PDE11A: variants seen among roughly 807,000 people sequenced by gnomAD.
The protein encoded by PDE11A is dual 3',5'-cyclic-AMP and -GMP phosphodiesterase 11A.
PDE11A carries 100 observed loss-of-function variants against 100.5 expected under a neutral mutation model. The observed-to-expected ratio is 1.00, with a 90% CI of 0.85 to 1.18. The LOEUF (loss-of-function observed/expected upper bound fraction) is 1.18, where lower values mean the gene tolerates loss of function less well. Among genes scored for constraint, PDE11A ranks in the 50% most tolerant of loss-of-function variants. The pLI is 0.00. For synonymous variants in PDE11A, 381 were observed against 420.8 expected, an observed-to-expected ratio of 0.91 and a Z score of 1.16; for missense variants, 1,141 against 1,152.6, an observed-to-expected ratio of 0.99 and a Z score of 0.15.
At chr2:177,998,543 T>C in intron 2 of PDE11A, 2 of 1,324,340 alleles carry the variant, frequency 1.5e-6, no homozygotes, top group East Asian at 2.3e-5. Context: ...GTCAAATAGA[T>C]ACATCTTCAT....
intron 9 of PDE11A, among the ~76,000 whole-genome samples, chr2:177,779,249 G>C (rs150204915): frequency 0.012 from 1,809 of 152,300 alleles, 36 homozygotes; most frequent in African/African-American, 0.041. Flanking sequence ...TGAGCCTTCA[G>C]CAAGTCGTAA....
intron 2 of PDE11A, among the ~76,000 whole-genome samples, chr2:177,942,654 G>A (rs377647402): frequency 1.1e-4 from 17 of 151,852 alleles, no homozygotes; most frequent in Non-Finnish European, 1.9e-4. Flanking sequence ...CACCCGCCTC[G>A]GCCTCTCAAA....
chr2:177,825,720 T>C (rs1394090349), intron 6 of PDE11A, among the ~76,000 whole-genome samples: 5 of 152,156 alleles, frequency 3.3e-5, no homozygotes, highest in African/African-American at 1.2e-4. Flanking sequence ...CAACTCTCCA[T>C]ATCAAATCAG....
At chr2:178,001,869 A>G (rs1206454190) in intron 2 of PDE11A, among the ~76,000 whole-genome samples, 1 of 152,142 alleles carries the variant, frequency 6.6e-6, no homozygotes, top group East Asian at 1.9e-4. Context: ...AAACATCTTT[A>G]TGTGTGGCAG....
intron 4 of PDE11A, among the ~76,000 whole-genome samples, chr2:177,885,956 A>G (rs1179720066): frequency 1.3e-5 from 2 of 152,236 alleles, no homozygotes; most frequent in African/African-American, 2.4e-5. Flanking sequence ...GTTCTTAACA[A>G]CGAAATAGCT....
chr2:177,982,691 C>T (rs974874797), intron 2 of PDE11A, among the ~76,000 whole-genome samples: 2 of 150,678 alleles, frequency 1.3e-5, no homozygotes, highest in Non-Finnish European at 3.0e-5. Context: ...TTTAAGGCAC[C>T]TAATTTCTTG....
At chr2:177,946,103 G>A (rs1279075507) in intron 2 of PDE11A, among the ~76,000 whole-genome samples, 1 of 115,554 alleles carries the variant, frequency 8.7e-6, no homozygotes, top group South Asian at 3.0e-4. Context: ...ATGGAGGTGG[G>A]GGGGGGTCAG....
At chr2:177,754,719 C>T (rs1022396079) in intron 10 of PDE11A, among the ~76,000 whole-genome samples, 2 of 152,224 alleles carry the variant, frequency 1.3e-5, no homozygotes, top group African/African-American at 4.8e-5. Context: ...AGGATAAGCA[C>T]AGTCCTGTCT....
At chr2:177,905,017 G>A in intron 3 of PDE11A, 81 bp downstream of exon 3, 1 of 799,096 alleles carries the variant, frequency 1.3e-6, no homozygotes, top group South Asian at 1.4e-5. Flanking sequence ...TCATTCATTG[G>A]CTGTTTTTAA....
chr2:177,932,582 A>T (rs1279380795), intron 2 of PDE11A, among the ~76,000 whole-genome samples: 4 of 152,184 alleles, frequency 2.6e-5, no homozygotes, highest in African/African-American at 9.6e-5. Context: ...ATCTCAATAG[A>T]TGAGGAAAAA....
At chr2:178,050,323 G>C (rs1483493106) in intron 1 of PDE11A, among the ~76,000 whole-genome samples, 1 of 152,134 alleles carries the variant, frequency 6.6e-6, no homozygotes, top group Non-Finnish European at 1.5e-5. Context: ...AAACAGAAAG[G>C]ACATCCACAC....
chr2:177,791,000 C>G lies in PDE11A; in HGVS notation c.1738-21627G>C, dbSNP rs1467130789. 3.3e-5 allele frequency among the ~76,000 whole-genome samples: 5 copies of G among 152,138 alleles called. No homozygotes were observed. In the East Asian group the frequency reaches 9.6e-4, roughly 29 times the overall value. Reference sequence around the variant, plus strand: ...GTGGAGATTCCTCAGGGATCTAGAACTAGAAATAACATTTGACCCAGCCAT... The same window carrying G: ...GTGGAGATTCCTCAGGGATCTAGAAGTAGAAATAACATTTGACCCAGCCAT... On this transcript the variant is annotated intron_variant, in intron 9 of 19. Transcript: ENST00000286063.
intron 2 of PDE11A, among the ~76,000 whole-genome samples, chr2:177,965,739 A>G (rs2085690429): frequency 6.6e-6 from 1 of 152,176 alleles, no homozygotes. Context: ...TTGTATCAGT[A>G]CCATGCTGTT....
intron 2 of PDE11A, among the ~76,000 whole-genome samples, chr2:178,007,813 T>G (rs949001130): frequency 6.6e-6 from 1 of 152,144 alleles, no homozygotes; most frequent in Non-Finnish European, 1.5e-5. Context: ...CAAGCAATTC[T>G]CCTGCCTCAG....
chr2:177,969,599 A>G (rs775632963), intron 2 of PDE11A, among the ~76,000 whole-genome samples: 4 of 152,054 alleles, frequency 2.6e-5, no homozygotes, highest in Non-Finnish European at 5.9e-5. Flanking sequence ...CATGATTCCT[A>G]TATGTGCAAA....
chr2:178,016,644 G>T (rs2086341942), intron 1 of PDE11A, among the ~76,000 whole-genome samples: 1 of 152,038 alleles, frequency 6.6e-6, no homozygotes, highest in Admixed American at 6.5e-5. Flanking sequence ...TTTTTATAGG[G>T]ATCAAGGAAG....
At chr2:177,972,544 G>T (rs1200011423) in intron 2 of PDE11A, among the ~76,000 whole-genome samples, 5 of 152,214 alleles carry the variant, frequency 3.3e-5, no homozygotes, top group Non-Finnish European at 5.9e-5. Context: ...GAGAGAGAGA[G>T]ATGTGGAAAG....
chr2:177,753,611 A>G (rs1396535533), intron 10 of PDE11A, among the ~76,000 whole-genome samples: 1 of 151,708 alleles, frequency 6.6e-6, no homozygotes, highest in African/African-American at 2.4e-5. Flanking sequence ...TCAGTTAGTG[A>G]TAGAGTAACT....
intron 10 of PDE11A, among the ~76,000 whole-genome samples, chr2:177,738,911 A>G (rs1178426259): frequency 6.6e-6 from 1 of 152,238 alleles, no homozygotes; most frequent in African/African-American, 2.4e-5. Context: ...AACTAATAAT[A>G]GAGACCACAT....
Sources: allele counts gnomAD v4.1 joint callset (sites outside exome capture counted in the v4.1 genomes callset), GRCh38; gene constraint gnomAD v4.1.1; transcripts MANE v1.5; gene names NCBI Gene and HGNC (gene_info 2026-07-23, HGNC 2026-07-21).